Variants in ARPC2 observed in about 807,000 individuals in gnomAD.
ARPC2 encodes actin-related protein 2/3 complex subunit 2.
ARPC2 carries 4 observed loss-of-function variants against 38.6 expected under a neutral mutation model. That is an observed-to-expected ratio of 0.10 (90% confidence interval 0.05 to 0.24). ARPC2 has a LOEUF of 0.24. ARPC2 is among the 10% of genes least tolerant of loss of function. The pLI is 1.00. For missense variants in ARPC2, 229 were observed against 387.3 expected (o/e 0.59, Z 3.43); for synonymous variants, 125 against 140.8 (o/e 0.89, Z 0.79).
chr2:218,239,271 C>A, intron 6 of ARPC2, 120 bp from the exon 7 acceptor site: 1 of 719,046 alleles, frequency 1.4e-6, no homozygotes, highest in South Asian at 1.8e-5. Flanking sequence ...ATTTGGCACA[C>A]CTTTATATTA....
intron 3 of ARPC2, chr2:218,227,082 G>A (rs1395546867): frequency 4.4e-6 from 2 of 454,198 alleles, no homozygotes; most frequent in South Asian, 1.6e-5. Context: ...CAGCTCTGAA[G>A]TGCTGTTACC....
At chr2:218,247,878 G>A (rs1201009183) in intron 8 of ARPC2, among the ~76,000 whole-genome samples, 2 of 151,774 alleles carry the variant, frequency 1.3e-5, no homozygotes, top group African/African-American at 4.8e-5. Context: ...GGGAGGCGGA[G>A]CTTGCAATAG....
intron 2 of ARPC2, 126 bp from the exon 3 acceptor site, chr2:218,225,794 G>A (rs1689483181): frequency 1.3e-6 from 1 of 795,114 alleles, no homozygotes; most frequent in Non-Finnish European, 2.1e-6. Context: ...TACTCTGATT[G>A]GCAGTAACCT....
At chr2:218,222,899 T>G (rs940143203) in intron 2 of ARPC2, among the ~76,000 whole-genome samples, 2 of 152,202 alleles carry the variant, frequency 1.3e-5, no homozygotes, top group African/African-American at 4.8e-5. Flanking sequence ...CATCCTTCAC[T>G]GTGATTCTTG....
At chr2:218,232,758 A>G (rs1689669296) in intron 4 of ARPC2, among the ~76,000 whole-genome samples, 1 of 151,690 alleles carries the variant, frequency 6.6e-6, no homozygotes, top group South Asian at 2.1e-4. Flanking sequence ...TTGTATTTTT[A>G]GTAGACATGG....
At chr2:218,217,589 G>A (rs1457884121) in intron 2 of ARPC2, 45 bp downstream of exon 2, 3 of 1,555,456 alleles carry the variant, frequency 1.9e-6, no homozygotes, top group African/African-American at 2.7e-5. Flanking sequence ...AAGCAGAGTT[G>A]ACCCCAGCTA....
intron 2 of ARPC2, among the ~76,000 whole-genome samples, 159 bp from the exon 3 acceptor site, chr2:218,225,761 G>A (rs1689482499): frequency 6.6e-6 from 1 of 152,138 alleles, no homozygotes; most frequent in African/African-American, 2.4e-5. Context: ...CAAAGGTTCA[G>A]GTCCATGAGA....
intron 8 of ARPC2, among the ~76,000 whole-genome samples, chr2:218,249,161 T>C (rs1690119257): frequency 6.6e-6 from 1 of 152,168 alleles, no homozygotes; most frequent in Admixed American, 6.5e-5. Flanking sequence ...CGTGGGCTCC[T>C]CCATTCACGC....
intron 2 of ARPC2, among the ~76,000 whole-genome samples, chr2:218,221,433 G>T (rs1308562902): frequency 6.6e-6 from 1 of 152,214 alleles, no homozygotes; most frequent in Non-Finnish European, 1.5e-5. Context: ...AGAAGAAATG[G>T]AATGTTGTGT....
intron 10 of ARPC2, 32 bp downstream of exon 10, chr2:218,249,953 C>T (rs1267461265): frequency 1.3e-6 from 2 of 1,541,370 alleles, no homozygotes; most frequent in Admixed American, 1.9e-5. Context: ...CGACCACCTT[C>T]CTCTCCTGAG....
At position 218,226,776 on chromosome 2, in the gene ARPC2, T is replaced by C. The variant is rs150061203; in HGVS notation, c.109+822T>C. Among the ~76,000 whole-genome samples, 568 of 152,158 alleles carry C rather than the reference T, an allele frequency of 3.7e-3. 4 individuals carry two copies. Among genetic ancestry groups the C allele is most frequent in the African/African-American group, 0.013 (532 of 41,524 alleles). ...GTTACCTGCTGATAAATTAGAAGTT[T>C]GGATTTAATTTTGTGGTAAAACTGA... On this transcript the variant is annotated intron_variant, in intron 3 of 10. Coordinates refer to ENST00000315717, the MANE Select transcript of ARPC2 (RefSeq NM_152862.3).
At chr2:218,223,940 C>T (rs1004133496) in intron 2 of ARPC2, among the ~76,000 whole-genome samples, 16 of 152,172 alleles carry the variant, frequency 1.1e-4, no homozygotes, top group African/African-American at 3.9e-4. Flanking sequence ...GTATACTTCA[C>T]GCTCAGCAAA....
chr2:218,236,405 C>G (rs1689769842), intron 5 of ARPC2: 3 of 152,140 alleles, frequency 2.0e-5, no homozygotes, highest in Admixed American at 2.0e-4. Flanking sequence ...TTATTTAATA[C>G]TGGAGTGCCT....
rs1689830119 is a variant in ARPC2, at chr2:218,238,579, A to C, written c.269-85A>C. ...TCTAGTCTCTGTTTACTTGGTATAG[A>C]TAGTATGCTGCTTTTTTTTTTTTTT... is the stretch of plus-strand genomic sequence containing the variant. On this transcript the variant is annotated intron_variant, in intron 5 of 10. Coordinates refer to ENST00000315717, the MANE Select transcript of ARPC2 (RefSeq NM_152862.3). 4 of 1,064,090 alleles carry C rather than the reference A, an allele frequency of 3.8e-6. No homozygotes were observed. In the South Asian group the frequency reaches 6.3e-5, roughly 17 times the overall value. The allele number at this position is 1,064,090 out of a possible 1,614,324, so 65.9% of individuals were successfully genotyped here.
intron 2 of ARPC2, among the ~76,000 whole-genome samples, chr2:218,224,206 A>C (rs922250423): frequency 2.6e-5 from 4 of 152,118 alleles, no homozygotes; most frequent in African/African-American, 9.7e-5. Flanking sequence ...GAAATTAGAG[A>C]CTCAAAGTGT....
intron 7 of ARPC2, among the ~76,000 whole-genome samples, chr2:218,244,882 A>G (rs535172054): frequency 5.8e-4 from 88 of 152,364 alleles, no homozygotes; most frequent in Middle Eastern, 3.4e-3. Context: ...GAGAGAGAGA[A>G]GCCTTGTATT....
intron 10 of ARPC2, among the ~76,000 whole-genome samples, chr2:218,250,298 G>A (rs1455804152): frequency 6.6e-6 from 1 of 152,160 alleles, no homozygotes; most frequent in Non-Finnish European, 1.5e-5. Context: ...CCCACTAAGT[G>A]TTCTTTTTCC....
At chr2:218,251,853 T>G (rs1690200442) in intron 10 of ARPC2, among the ~76,000 whole-genome samples, 1 of 152,238 alleles carries the variant, frequency 6.6e-6, no homozygotes, top group African/African-American at 2.4e-5. Flanking sequence ...CAAGTTAGTT[T>G]CTGCTGTCAT....
chr2:218,226,959 T>A (rs1448846169), intron 3 of ARPC2: 1 of 456,018 alleles, frequency 2.2e-6, no homozygotes, highest in Non-Finnish European at 4.4e-6. Context: ...TTCTGTTCCC[T>A]ATAAAGAATT....
Sources: allele counts gnomAD v4.1 joint callset (sites outside exome capture counted in the v4.1 genomes callset), GRCh38; gene constraint gnomAD v4.1.1; transcripts MANE v1.5; gene names NCBI Gene and HGNC (gene_info 2026-07-23, HGNC 2026-07-21).